RCHY1: variants seen among roughly 807,000 people sequenced by gnomAD.
RCHY1 encodes RING finger and CHY zinc finger domain-containing protein 1.
In RCHY1, 21 loss-of-function variants were observed where a neutral mutation model predicts 41.6. That is an observed-to-expected ratio of 0.51 (90% CI 0.36 to 0.73). The LOEUF (loss-of-function observed/expected upper bound fraction) is 0.73. Among genes scored for constraint, RCHY1 ranks in the 30% least tolerant of loss-of-function variants. The pLI is 0.00. For synonymous variants in RCHY1, 79 were observed against 102.9 expected (o/e 0.77, Z 1.41); for missense variants, 265 against 325.3 (o/e 0.81, Z 1.43).
intron 4 of RCHY1, among the ~76,000 whole-genome samples, chr4:75,493,614 A>G (rs1005552311): frequency 1.3e-5 from 2 of 151,880 alleles, no homozygotes; most frequent in African/African-American, 4.8e-5. Context: ...AATCAGTACT[A>G]TAATGTAATA....
At chr4:75,502,134 G>A (rs368299505) in intron 3 of RCHY1, among the ~76,000 whole-genome samples, 74 of 151,888 alleles carry the variant, frequency 4.9e-4, no homozygotes, top group African/African-American at 1.6e-3. Flanking sequence ...AAGCTTTTAT[G>A]ACTGCAAAAG....
At position 75,514,318 on chromosome 4, in the gene RCHY1, C is replaced by CT; in HGVS notation, c.-33dup. The CT allele has an allele frequency of 6.3e-7, 1 of 1,598,590 alleles. No homozygotes were observed. Among genetic ancestry groups the CT allele is most frequent in the Non-Finnish European group, 8.6e-7 (1 of 1,168,288 alleles). On this transcript the variant is annotated 5_prime_UTR_variant, in exon 1 of 9. Transcript: ENST00000324439. ...CACCTCCCCTCACATTCCACCGATC[C>CT]TTCCCCCAGGATAAAAACCACGCCC...
chr4:75,490,284 C>CA (rs1262291594), intron 8 of RCHY1, among the ~76,000 whole-genome samples: 1 of 151,980 alleles, frequency 6.6e-6, no homozygotes, highest in African/African-American at 2.4e-5. Flanking sequence ...CAACCCTAGT[C>CA]AGTTATATTA....
intron 1 of RCHY1, chr4:75,509,781 ATTT>A (rs1379018424): frequency 5.7e-6 from 1 of 174,710 alleles, no homozygotes; most frequent in African/African-American, 2.4e-5. Context: ...CTTCTTCCTC[ATTT>A]TCTATTGCCA....
rs763424735 is a variant in RCHY1, at chr4:75,491,868, T to TA, written c.450+20dup. On this transcript the variant is annotated intron_variant, in intron 5 of 8. Coordinates refer to ENST00000324439, the MANE Select transcript of RCHY1 (RefSeq NM_015436.4). Reference sequence around the variant, plus strand: ...AATTCAAGAGCTGAGACTTCCAAAGTAAAAAATATTTTAAGCCTACCTCCA... The same window carrying TA: ...AATTCAAGAGCTGAGACTTCCAAAGTAAAAAAATATTTTAAGCCTACCTCCA... The TA allele has an allele frequency of 1.6e-5, 26 of 1,606,658 alleles. No homozygotes were observed. The Admixed American group carries it at 2.7e-4, about 17-fold the overall frequency.
At chr4:75,487,864 CATAATATATATTCATA>C (rs1413672616) in intron 8 of RCHY1, among the ~76,000 whole-genome samples, 1 of 89,296 alleles carries the variant, frequency 1.1e-5, no homozygotes, top group Non-Finnish European at 2.5e-5. Flanking sequence ...TATATATATT[CATAATATATATTCATA>C]ATATATATAT....
At chr4:75,487,657 T>TATATATATTCATATATATTCATA (rs1560513020) in intron 8 of RCHY1, among the ~76,000 whole-genome samples, 8 of 29,990 alleles carry the variant, frequency 2.7e-4, no homozygotes, top group East Asian at 8.1e-4. Flanking sequence ...ATATTCATAA[T>TATATATATTCATATATATTCATA]ATATATATTC....
At chr4:75,505,898 T>C (rs1724252410) in intron 3 of RCHY1, among the ~76,000 whole-genome samples, 1 of 152,076 alleles carries the variant, frequency 6.6e-6, no homozygotes, top group Non-Finnish European at 1.5e-5. Flanking sequence ...CCCTAAACTG[T>C]GCTGTGACAA....
At chr4:75,513,055 C>T (rs1016365044) in intron 1 of RCHY1, among the ~76,000 whole-genome samples, 1 of 152,114 alleles carries the variant, frequency 6.6e-6, no homozygotes, top group African/African-American at 2.4e-5. Flanking sequence ...AATAATAATA[C>T]ATCTCAGTAG....
Position 75,514,371 on chromosome 4 carries a change from C to T in RCHY1, c.-85G>A, listed in dbSNP as rs1725335498. ...AGAAGCTGCGCCTCTCTAGCACACC[C>T]CTCCCAGCCCCAGCGGCCACTAGCG... On this transcript the variant is annotated 5_prime_UTR_variant, in exon 1 of 9. Transcript: ENST00000324439. The T allele has an allele frequency of 7.0e-7, 1 of 1,431,710 alleles. No homozygotes were observed. The highest frequency in any genetic ancestry group is 1.3e-5 in the South Asian group (1 of 76,128). The allele number at this position is 1,431,710 out of a possible 1,614,324, so 88.7% of individuals were successfully genotyped here. A position where few individuals can be genotyped will look rare whatever the true frequency, so the allele number is the denominator to read the frequency against.
intron 2 of RCHY1, 63 bp from the exon 3 acceptor site, chr4:75,508,998 T>C: frequency 7.7e-7 from 1 of 1,292,612 alleles, no homozygotes; most frequent in Admixed American, 2.1e-5. Context: ...CATTTGAATA[T>C]CTAGAACTTA....
chr4:75,512,902 A>AGGGGG (rs33923711), intron 1 of RCHY1, among the ~76,000 whole-genome samples: 20 of 96,582 alleles, frequency 2.1e-4, no homozygotes, highest in Admixed American at 4.7e-4. Flanking sequence ...CTGGTATTTA[A>AGGGGG]GGGGGGGGGG....
chr4:75,508,289 T>C (rs1724527492), intron 3 of RCHY1, among the ~76,000 whole-genome samples: 1 of 152,120 alleles, frequency 6.6e-6, no homozygotes, highest in African/African-American at 2.4e-5. Flanking sequence ...CATGCTTTAA[T>C]ATACATCTAA....
chr4:75,487,582 A>G (rs1425085399), intron 8 of RCHY1, among the ~76,000 whole-genome samples: 3 of 74,958 alleles, frequency 4.0e-5, no homozygotes, highest in African/African-American at 1.9e-4. Flanking sequence ...ATATTCATAT[A>G]TATATTCATA....
At chr4:75,502,838 T>C (rs1723914285) in intron 3 of RCHY1, among the ~76,000 whole-genome samples, 1 of 152,190 alleles carries the variant, frequency 6.6e-6, no homozygotes, top group South Asian at 2.1e-4. Flanking sequence ...CACTAATGCA[T>C]AATCCTTCGG....
At chr4:75,509,327 T>C in intron 1 of RCHY1, 31 bp from the exon 2 acceptor site, 1 of 1,599,348 alleles carries the variant, frequency 6.3e-7, no homozygotes, top group Non-Finnish European at 8.5e-7. Context: ...AGAGATATAG[T>C]AAGAAGCAAA....
At chr4:75,501,222 T>C (rs867376677) in intron 3 of RCHY1, among the ~76,000 whole-genome samples, 15 of 152,346 alleles carry the variant, frequency 9.8e-5, no homozygotes, top group South Asian at 8.3e-4. Flanking sequence ...TTGGTCAGGC[T>C]GGTCTCAAAC....
rs1253922324 is a variant in RCHY1 at position 75,480,084 on chromosome 4, GA to G, written c.*2453del. ...ATTCTTATTGTGAATGAGAAGTGTT[GA>G]AGGATTTTAATCATCGAGTTGACGT... On this transcript the variant is annotated 3_prime_UTR_variant, in exon 9 of 9. Coordinates refer to ENST00000324439, the MANE Select transcript of RCHY1 (RefSeq NM_015436.4). The G allele has an allele frequency of 6.6e-6, 1 of 152,190 alleles. No homozygotes were observed. The highest frequency in any genetic ancestry group is 1.5e-5 in the Non-Finnish European group (1 of 68,012). The allele number at this position is 152,190 out of a possible 1,614,324, so 9.4% of individuals were successfully genotyped here. A position where few individuals can be genotyped will look rare whatever the true frequency, so the allele number is the denominator to read the frequency against.
chr4:75,508,101 A>C (rs902769623), intron 3 of RCHY1, among the ~76,000 whole-genome samples: 39 of 152,246 alleles, frequency 2.6e-4, no homozygotes, highest in African/African-American at 8.9e-4. Context: ...AAAAAACAAA[A>C]AAAACAAAAA....
Sources: allele counts gnomAD v4.1 joint callset (sites outside exome capture counted in the v4.1 genomes callset), GRCh38; gene constraint gnomAD v4.1.1; transcripts MANE v1.5; gene names NCBI Gene and HGNC (gene_info 2026-07-23, HGNC 2026-07-21).